GATA3: variants seen among roughly 807,000 people sequenced by gnomAD.
GATA3 encodes the protein trans-acting T-cell-specific transcription factor GATA-3.
GATA3 carries 6 observed loss-of-function variants against 36.0 expected under a neutral mutation model. That is an observed-to-expected ratio of 0.17 (90% CI 0.09 to 0.33). The LOEUF (loss-of-function observed/expected upper bound fraction) is 0.33. GATA3 is among the 10% of genes least tolerant of loss of function. GATA3 has a pLI of 1.00. For synonymous variants in GATA3, 326 were observed against 273.0 expected (o/e 1.19, Z -1.92); for missense variants, 514 against 610.1 (o/e 0.84, Z 1.66).
chr10:8,072,176 C>T (rs1392401298), intron 5 of GATA3, among the ~76,000 whole-genome samples: 1 of 152,192 alleles, frequency 6.6e-6, no homozygotes, highest in Admixed American at 6.5e-5. Context: ...TTTCCTTCTC[C>T]AGGTGACCTC....
rs886047299 is a variant in GATA3, at chr10:8,055,508, A to G, written c.-148A>G. ...TCTCCTTTGCTCACCTTTGCTTCCCAGCCTTCCCATCCCCCCACCGAAAGC... is the reference window on the plus strand; with the variant it reads ...TCTCCTTTGCTCACCTTTGCTTCCCGGCCTTCCCATCCCCCCACCGAAAGC... On this transcript the variant is annotated 5_prime_UTR_variant, in exon 2 of 6. Transcript: ENST00000379328. The surrounding 1 kb of genome is among the most constrained non-coding windows in gnomAD (Gnocchi z 5.4). 9.4e-6 allele frequency: 8 copies of G among 854,162 alleles called. No homozygotes were observed. The highest frequency in any genetic ancestry group is 1.7e-5 in the South Asian group (1 of 58,672). The allele number at this position is 854,162 out of a possible 1,614,324, so 52.9% of individuals were successfully genotyped here.
chr10:8,065,385 A>G (rs148087027), intron 4 of GATA3, among the ~76,000 whole-genome samples: 1,649 of 150,718 alleles, frequency 0.011, 40 homozygotes, highest in African/African-American at 0.038. Context: ...AGCCTCCTGA[A>G]TAGCTGGGAG....
intron 5 of GATA3, among the ~76,000 whole-genome samples, chr10:8,072,424 C>T (rs1005712610): frequency 2.6e-5 from 4 of 152,216 alleles, no homozygotes; most frequent in South Asian, 2.1e-4. Context: ...CCCCTGGGAA[C>T]ATGGCCAGAT....
At position 8,058,388 on chromosome 10, in the gene GATA3, G is replaced by T. The variant is rs776412274; in HGVS notation, c.325G>T (p.Ala109Ser). 5 of 1,612,510 alleles carry T rather than the reference G, an allele frequency of 3.1e-6. No homozygotes were observed. The highest frequency in any genetic ancestry group is 4.2e-6 in the Non-Finnish European group (5 of 1,179,970). ...CAAAGCCCTGGGCAGCCACCACACC[G>T]CCTCCCCCTGGAATCTCAGCCCCTT... ...GGKALGSHHTASPWNLSPFSK... is the reference protein window; with the variant it reads ...GGKALGSHHTSSPWNLSPFSK... Residue 109 changes from alanine to serine, a missense_variant, in exon 3 of 6, where the codon GCC becomes TCC. By Grantham distance (99) the Ala-to-Ser change is moderately conservative. Transcript: ENST00000379328.
chr10:8,069,188 G>A (rs1280818251), intron 4 of GATA3, among the ~76,000 whole-genome samples: 1 of 152,094 alleles, frequency 6.6e-6, no homozygotes. Flanking sequence ...AGGAGGCTAA[G>A]ACTGCCAGGG....
chr10:8,067,112 G>A (rs1429469934), intron 4 of GATA3, among the ~76,000 whole-genome samples: 2 of 151,518 alleles, frequency 1.3e-5, no homozygotes, highest in East Asian at 1.9e-4. Context: ...CTGGTTTTAC[G>A]TAGTACTTTC....
intron 2 of GATA3, among the ~76,000 whole-genome samples, chr10:8,057,212 TCC>T (rs1832655191): frequency 1.3e-5 from 2 of 152,206 alleles, no homozygotes; most frequent in Non-Finnish European, 2.9e-5. Context: ...CCCCTTCCTC[TCC>T]CTTAAGATTT....
At chr10:8,051,095 C>T (rs767693426), upstream of GATA3, 2 of 516,882 alleles carry the variant, frequency 3.9e-6, no homozygotes, top group Non-Finnish European at 7.9e-6. Context: ...CCTCTGCTTT[C>T]TGTACCCGAC....
rs142673461 is a variant in GATA3, at chr10:8,045,828, C to T, written c.-370+313C>T. 4.9e-4 allele frequency among the ~76,000 whole-genome samples: 75 copies of T among 152,276 alleles called. No individual in the cohort carries two copies. The East Asian group carries it at 0.012, about 24-fold the overall frequency. On this transcript the variant is annotated intron_variant, in intron 1 of 1. Coordinates refer to the GATA3 transcript ENST00000643001. Reference sequence around the variant, plus strand: ...GAATGCTTGGAAAGGGCCGGAGACACGTTTCCCACTGCAAGGAGGGCAGAG... The same window carrying T: ...GAATGCTTGGAAAGGGCCGGAGACATGTTTCCCACTGCAAGGAGGGCAGAG...
At chr10:8,051,108 G>T (rs370873992), upstream of GATA3, 10 of 527,338 alleles carry the variant, frequency 1.9e-5, no homozygotes, top group Middle Eastern at 4.5e-4. Flanking sequence ...TACCCGACTG[G>T]GTTTCCCCAC....
In GATA3 at chr10:8,073,595, G is replaced by A. The variant is rs925026011; in HGVS notation, c.1051-144G>A. 4.7e-5 allele frequency: 39 copies of A among 834,824 alleles called. No homozygotes were observed. In the Middle Eastern group the frequency reaches 1.5e-3, roughly 33 times the overall value. The allele number at this position is 834,824 out of a possible 1,614,324, so 51.7% of individuals were successfully genotyped here. On this transcript the variant is annotated intron_variant, in intron 5 of 5. Coordinates refer to ENST00000379328, the MANE Select transcript of GATA3 (RefSeq NM_001002295.2). Reference sequence around the variant, plus strand: ...CCCTGGGAAGGAGACAGGAGAAGGTGGGAGGGAGGAAGGGGCCAGCTGAAA... The same window carrying A: ...CCCTGGGAAGGAGACAGGAGAAGGTAGGAGGGAGGAAGGGGCCAGCTGAAA...
At chr10:8,061,540 A>G (rs1832749205) in intron 3 of GATA3, among the ~76,000 whole-genome samples, 1 of 152,212 alleles carries the variant, frequency 6.6e-6, no homozygotes, top group African/African-American at 2.4e-5. Flanking sequence ...GAAAGAAGGC[A>G]GGAGAGAGTC....
rs117999254 is a variant in GATA3 at position 8,045,734 on chromosome 10, G to A, written c.-370+219G>A. The stretch of plus-strand genomic sequence containing the variant: ...GGTGTGTGAGTGTGTGGATGTCCTC[G>A]TTTGCAGGAAAGAGCTGGTAGAAGT... On this transcript the variant is annotated intron_variant, in intron 1 of 1. Transcript: ENST00000643001. Among the ~76,000 whole-genome samples, 10 of 152,276 alleles carry A rather than the reference G, an allele frequency of 6.6e-5. 1 individual carries two copies. The East Asian group carries it at 1.9e-3, about 29-fold the overall frequency.
chr10:8,056,962 C>G (rs1201919036), intron 2 of GATA3, among the ~76,000 whole-genome samples: 1 of 152,194 alleles, frequency 6.6e-6, no homozygotes, highest in Admixed American at 6.5e-5. Context: ...CTACTCAGAG[C>G]CTGCCTTGAC....
At chr10:8,058,165 A>ACT in intron 2 of GATA3, 140 bp from the exon 3 acceptor site, 16 of 870,108 alleles carry the variant, frequency 1.8e-5, no homozygotes, top group Non-Finnish European at 2.5e-5. Context: ...GACCGCCAGG[A>ACT]TGAGAGAGTG....
At chr10:8,054,334 C>A (rs757244977), upstream of GATA3, among the ~76,000 whole-genome samples, 3 of 152,234 alleles carry the variant, frequency 2.0e-5, no homozygotes, top group Non-Finnish European at 2.9e-5. The surrounding 1 kb of genome is among the most constrained non-coding windows in gnomAD (Gnocchi z 4.2). Flanking sequence ...AGGCTGGCTG[C>A]ACCGGGACGG....
upstream of GATA3, chr10:8,051,117 A>G (rs1418661186): frequency 6.7e-6 from 3 of 446,582 alleles, no homozygotes; most frequent in Non-Finnish European, 1.3e-5. Context: ...GGGTTTCCCC[A>G]CTTCCACTGG....
In GATA3 at chr10:8,055,981, G is replaced by A. The variant is rs2131483504; in HGVS notation, c.241+85G>A. ...AGGTCGGGAGGGACCTGAGGGCGGG[G>A]AGAGGTCAAGCGAAAGCCCCCATCT... is the stretch of plus-strand genomic sequence containing the variant. On this transcript the variant is annotated intron_variant, in intron 2 of 5. Transcript: ENST00000379328. The surrounding 1 kb of genome is among the most constrained non-coding windows in gnomAD (Gnocchi z 5.4). 1 of 1,525,486 alleles carries A rather than the reference G, an allele frequency of 6.6e-7. No individual in the cohort carries two copies. Among genetic ancestry groups the A allele is most frequent in the Middle Eastern group, 1.9e-4 (1 of 5,224 alleles). 94.5% of individuals were successfully genotyped at this position (1,525,486 alleles called of 1,614,324 possible).
chr10:8,048,434 A>G (rs1832418264), intron 1 of GATA3, among the ~76,000 whole-genome samples: 1 of 152,182 alleles, frequency 6.6e-6, no homozygotes, highest in Non-Finnish European at 1.5e-5. Context: ...TGGGTGCTAT[A>G]GCGGTGTGGC....
Sources: gnomAD v4.1 joint callset for allele counts (sites outside exome capture counted in the v4.1 genomes callset) on GRCh38, gnomAD v4.1.1 for gene constraint, Gnocchi (gnomAD v3.1) non-coding constraint, MANE v1.5 for transcripts, NCBI Gene and HGNC (gene_info 2026-07-23, HGNC 2026-07-21) for gene names.